Variants in SLC35F4 observed in about 807,000 individuals in gnomAD.
SLC35F4 encodes chromosome 14 open reading frame 36.
SLC35F4 carries 24 observed loss-of-function variants against 44.2 expected under a neutral mutation model. The observed-to-expected ratio is 0.54, with a 90% CI of 0.39 to 0.76. The LOEUF (loss-of-function observed/expected upper bound fraction) is 0.76. SLC35F4 is among the 30% of genes least tolerant of loss of function. The pLI is 0.00. For synonymous variants in SLC35F4, 238 were observed against 223.6 expected (o/e 1.06, Z -0.57); for missense variants, 562 against 586.1 (o/e 0.96, Z 0.42).
At chr14:57,637,602 T>C (rs1360041141) in intron 1 of SLC35F4, among the ~76,000 whole-genome samples, 1 of 152,142 alleles carries the variant, frequency 6.6e-6, no homozygotes, top group African/African-American at 2.4e-5. Context: ...GCAGGCTCAA[T>C]CTTCCAGGCT....
chr14:57,920,144 G>A (rs1257561260), intron 1 of SLC35F4, among the ~76,000 whole-genome samples: 2 of 152,102 alleles, frequency 1.3e-5, no homozygotes, highest in Non-Finnish European at 2.9e-5. Context: ...TCTTCCAAAA[G>A]CCACTTAAAT....
chr14:57,948,503 T>C lies in SLC35F4; in HGVS notation n.282+33410A>G, dbSNP rs116151061. ...AACCAGATTTTTGTTTTATTTATCT[T>C]TTGTATTGTATTTTTTGTTTCAATT... On this transcript the variant is annotated intron_variant and non_coding_transcript_variant, in intron 1 of 1. Transcript: ENST00000556568. 6.5e-3 allele frequency among the ~76,000 whole-genome samples: 995 copies of C among 152,294 alleles called. 12 individuals carry two copies. Among genetic ancestry groups the C allele is most frequent in the African/African-American group, 0.023 (936 of 41,566 alleles).
At chr14:57,778,571 G>A (rs1007545735) in intron 1 of SLC35F4, among the ~76,000 whole-genome samples, 2 of 151,632 alleles carry the variant, frequency 1.3e-5, no homozygotes, top group African/African-American at 4.8e-5. Flanking sequence ...GATCATTGAG[G>A]CAGAAAATCA....
intron 1 of SLC35F4, among the ~76,000 whole-genome samples, chr14:57,893,362 G>T (rs987117122): frequency 4.6e-5 from 7 of 152,012 alleles, no homozygotes; most frequent in Admixed American, 1.3e-4. Flanking sequence ...TTTTTAACTT[G>T]ACAATTGTTC....
chr14:57,898,930 T>G (rs1888942497), intron 1 of SLC35F4, among the ~76,000 whole-genome samples: 1 of 152,170 alleles, frequency 6.6e-6, no homozygotes, highest in East Asian at 1.9e-4. Context: ...TGCAGGATCA[T>G]GCCTCCAGAG....
downstream of SLC35F4, among the ~76,000 whole-genome samples, chr14:57,971,864 G>A (rs1881062626): frequency 6.6e-6 from 1 of 152,146 alleles, no homozygotes; most frequent in South Asian, 2.1e-4. Flanking sequence ...CTTCAAATGT[G>A]CCAAGATAAA....
At chr14:57,809,562 T>A (rs533551423) in intron 1 of SLC35F4, among the ~76,000 whole-genome samples, 1 of 152,376 alleles carries the variant, frequency 6.6e-6, no homozygotes, top group South Asian at 2.1e-4. Context: ...TGGACCATAG[T>A]GTGAAGTGAG....
intron 1 of SLC35F4, among the ~76,000 whole-genome samples, chr14:57,640,964 G>A (rs1317564163): frequency 1.3e-5 from 2 of 151,768 alleles, no homozygotes; most frequent in Non-Finnish European, 2.9e-5. Context: ...TAAATTAATC[G>A]ATAAATAGTG....
At chr14:57,624,093 C>G (rs746040216) in intron 1 of SLC35F4, among the ~76,000 whole-genome samples, 1 of 151,954 alleles carries the variant, frequency 6.6e-6, no homozygotes, top group Non-Finnish European at 1.5e-5. Flanking sequence ...ATCAAATAGA[C>G]ACAATAAAAA....
At chr14:57,933,063 T>G (rs961886190) in intron 1 of SLC35F4, among the ~76,000 whole-genome samples, 1 of 149,392 alleles carries the variant, frequency 6.7e-6, no homozygotes, top group African/African-American at 2.5e-5. Context: ...TTTTTAAGAG[T>G]CTTGCTCTGT....
At chr14:57,835,517 GCT>G (rs1884828928) in intron 1 of SLC35F4, among the ~76,000 whole-genome samples, 1 of 152,250 alleles carries the variant, frequency 6.6e-6, no homozygotes, top group Admixed American at 6.5e-5. Flanking sequence ...CCCTTCTTTT[GCT>G]CTTTCTCATT....
intron 1 of SLC35F4, among the ~76,000 whole-genome samples, chr14:57,875,044 T>C (rs1215563225): frequency 6.6e-6 from 1 of 152,208 alleles, no homozygotes; most frequent in Non-Finnish European, 1.5e-5. Flanking sequence ...GATGGAATTA[T>C]ATATTTTTTC....
At chr14:57,908,470 C>G (rs1193329507) in intron 1 of SLC35F4, among the ~76,000 whole-genome samples, 1 of 152,058 alleles carries the variant, frequency 6.6e-6, no homozygotes, top group Non-Finnish European at 1.5e-5. Flanking sequence ...TCTTGACTTT[C>G]TAATAATCAC....
intron 7 of SLC35F4, among the ~76,000 whole-genome samples, chr14:57,565,455 AT>A (rs1054285171): frequency 2.6e-5 from 4 of 151,870 alleles, no homozygotes; most frequent in African/African-American, 7.3e-5. Flanking sequence ...TAATTACTCA[AT>A]TTTTTTTCCT....
chr14:57,698,864 G>GT (rs2075456093), intron 1 of SLC35F4, among the ~76,000 whole-genome samples: 1 of 152,058 alleles, frequency 6.6e-6, no homozygotes, highest in Non-Finnish European at 1.5e-5. Context: ...GACCTCAGGA[G>GT]ATCCACGCAC....
intron 1 of SLC35F4, among the ~76,000 whole-genome samples, chr14:57,946,182 G>T (rs1352356071): frequency 6.6e-6 from 1 of 151,974 alleles, no homozygotes; most frequent in African/African-American, 2.4e-5. Flanking sequence ...TGGTTTCTTG[G>T]TCTTGAAATA....
At position 57,581,799 on chromosome 14, in the gene SLC35F4, G is replaced by A. The variant is rs559384394; in HGVS notation, c.588-366C>T. On this transcript the variant is annotated intron_variant, in intron 3 of 7. Coordinates refer to ENST00000556826, the MANE Select transcript of SLC35F4 (RefSeq NM_001306087.2). ...GGGTGGGCAAACGAGAGAGGGTCAA[G>A]GCTGCTACTACTCTGTGAACGGGCT... Among the ~76,000 whole-genome samples the A allele has an allele frequency of 7.2e-5, 11 of 152,348 alleles. No homozygotes were observed. The South Asian group carries it at 2.1e-3, about 29-fold the overall frequency.
intron 1 of SLC35F4, among the ~76,000 whole-genome samples, chr14:57,742,034 G>C (rs1370481549): frequency 1.3e-5 from 2 of 152,116 alleles, no homozygotes; most frequent in Admixed American, 6.5e-5. Context: ...GAGAGATTTT[G>C]TCACCACCAG....
Position 57,943,751 on chromosome 14 carries a change from G to T in SLC35F4, n.282+38162C>A, listed in dbSNP as rs73304472. On this transcript the variant is annotated intron_variant and non_coding_transcript_variant, in intron 1 of 1. Coordinates refer to the SLC35F4 transcript ENST00000556568. ...TCGATTCAGTTAACCGCCAGTGCTG[G>T]TTCTAATTCTAAATCTTGAGAAAGT... Among the ~76,000 whole-genome samples the T allele has an allele frequency of 8.9e-3, 1,359 of 152,288 alleles. 17 individuals carry two copies. The highest frequency in any genetic ancestry group is 0.031 in the African/African-American group (1,292 of 41,552).
Sources: allele counts gnomAD v4.1 joint callset (sites outside exome capture counted in the v4.1 genomes callset), GRCh38; gene constraint gnomAD v4.1.1; transcripts MANE v1.5; gene names NCBI Gene and HGNC (gene_info 2026-07-23, HGNC 2026-07-21).